Variants in PARD3 observed in about 807,000 individuals in gnomAD.
PARD3 encodes partitioning defective 3 homolog.
A neutral mutation model predicts 155.4 loss-of-function variants in PARD3; 75 were observed. The observed-to-expected ratio is 0.48, with a 90% CI of 0.40 to 0.58. PARD3 has a LOEUF of 0.58. PARD3 is among the 20% of genes least tolerant of loss of function. The probability of loss-of-function intolerance (pLI) is 0.00; values close to 1 mark genes in which losing one functional copy is unlikely to be tolerated. For synonymous variants in PARD3, 576 were observed against 610.5 expected (o/e 0.94, Z 0.83); for missense variants, 1,642 against 1,721.7 (o/e 0.95, Z 0.82).
chr10:34,620,200 C>T (rs988311227), intron 2 of PARD3, among the ~76,000 whole-genome samples: 1 of 152,130 alleles, frequency 6.6e-6, no homozygotes, highest in African/African-American at 2.4e-5. Flanking sequence ...CCAAATGCCA[C>T]CAATTTATTC....
At chr10:34,780,015 A>G (rs1165656218) in intron 1 of PARD3, among the ~76,000 whole-genome samples, 1 of 152,196 alleles carries the variant, frequency 6.6e-6, no homozygotes, top group African/African-American at 2.4e-5. Flanking sequence ...ACTCTCTACG[A>G]TTCCCCATCC....
At chr10:34,209,611 G>A (rs1951643251) in intron 22 of PARD3, among the ~76,000 whole-genome samples, 1 of 152,164 alleles carries the variant, frequency 6.6e-6, no homozygotes, top group African/African-American at 2.4e-5. Context: ...GGGTCAGAGA[G>A]ACATAGGTTC....
intron 22 of PARD3, among the ~76,000 whole-genome samples, chr10:34,191,150 C>G (rs1950690003): frequency 6.6e-6 from 1 of 151,818 alleles, no homozygotes; most frequent in Admixed American, 6.6e-5. Context: ...AGCTAGGAGG[C>G]TACTGCATAA....
At chr10:34,556,742 C>T (rs376126239) in intron 2 of PARD3, among the ~76,000 whole-genome samples, 82 of 152,224 alleles carry the variant, frequency 5.4e-4, no homozygotes, top group African/African-American at 2.0e-3. Context: ...CTGTCCATGT[C>T]TGTTCCAGTC....
chr10:34,166,798 G>C (rs1949549400), intron 22 of PARD3, among the ~76,000 whole-genome samples: 1 of 152,016 alleles, frequency 6.6e-6, no homozygotes. Context: ...TCTTTTTTAA[G>C]AACACCAACT....
intron 3 of PARD3, among the ~76,000 whole-genome samples, chr10:34,497,652 G>A (rs188195496): frequency 6.6e-6 from 1 of 152,262 alleles, no homozygotes; most frequent in East Asian, 1.9e-4. Context: ...CATTCATTGA[G>A]AAGAGGTATG....
chr10:34,528,449 A>G (rs1222670581), intron 2 of PARD3, among the ~76,000 whole-genome samples: 2 of 152,176 alleles, frequency 1.3e-5, no homozygotes, highest in Admixed American at 1.3e-4. Flanking sequence ...TGAGCTCTCA[A>G]GATGAGTCAG....
chr10:34,446,074 T>C (rs1357780146), intron 5 of PARD3, among the ~76,000 whole-genome samples: 1 of 152,144 alleles, frequency 6.6e-6, no homozygotes, highest in African/African-American at 2.4e-5. Context: ...AGGAGGTTAT[T>C]AGGAAAAATG....
chr10:34,220,965 G>A (rs1952249605), intron 22 of PARD3, among the ~76,000 whole-genome samples: 2 of 152,088 alleles, frequency 1.3e-5, no homozygotes, highest in African/African-American at 4.8e-5. Context: ...TTTGGGAGAC[G>A]GACTGGCCAC....
Position 34,637,070 on chromosome 10 carries a change from T to C in PARD3, c.222+59248A>G, listed in dbSNP as rs537291965. ...TATAAAAACAAATCTGAAAGTACAA[T>C]TATACCCTATTGCAAGGATTTAAAT... On this transcript the variant is annotated intron_variant, in intron 2 of 24. Coordinates refer to ENST00000374788, the MANE Select transcript of PARD3 (RefSeq NM_001184785.2). Among the ~76,000 whole-genome samples the C allele has an allele frequency of 2.0e-5, 3 of 152,310 alleles. No homozygotes were observed. The East Asian group carries it at 5.8e-4, about 29-fold the overall frequency.
intron 2 of PARD3, among the ~76,000 whole-genome samples, chr10:34,650,005 T>A (rs943137545): frequency 1.3e-5 from 2 of 152,216 alleles, no homozygotes; most frequent in African/African-American, 4.8e-5. Flanking sequence ...CCAGCACCTC[T>A]GTCCCACTGG....
At chr10:34,250,162 C>T (rs1449380745) in intron 22 of PARD3, among the ~76,000 whole-genome samples, 2 of 150,316 alleles carry the variant, frequency 1.3e-5, no homozygotes, top group African/African-American at 5.0e-5. Flanking sequence ...CCTCCACACA[C>T]ACACAGCTTT....
At chr10:34,580,685 T>C (rs548704419) in intron 2 of PARD3, among the ~76,000 whole-genome samples, 1 of 152,342 alleles carries the variant, frequency 6.6e-6, no homozygotes, top group Non-Finnish European at 1.5e-5. Context: ...TGGTATCATC[T>C]CCCACATTTA....
intron 1 of PARD3, among the ~76,000 whole-genome samples, chr10:34,785,765 C>T (rs1207455471): frequency 6.6e-6 from 1 of 152,026 alleles, no homozygotes; most frequent in Non-Finnish European, 1.5e-5. Flanking sequence ...ATGGGCGGAC[C>T]GTGTGGACAG....
At chr10:34,162,521 C>T (rs773882019) in intron 22 of PARD3, among the ~76,000 whole-genome samples, 1 of 152,090 alleles carries the variant, frequency 6.6e-6, no homozygotes, top group Non-Finnish European at 1.5e-5. Flanking sequence ...TACACATATT[C>T]GTGTTATTAT....
At chr10:34,660,413 A>G (rs2093292063) in intron 2 of PARD3, among the ~76,000 whole-genome samples, 1 of 152,198 alleles carries the variant, frequency 6.6e-6, no homozygotes, top group Non-Finnish European at 1.5e-5. Flanking sequence ...AAGTTAGAAT[A>G]AAATTTTAGT....
intron 22 of PARD3, among the ~76,000 whole-genome samples, chr10:34,161,845 A>G (rs2133052483): frequency 6.6e-6 from 1 of 152,180 alleles, no homozygotes; most frequent in East Asian, 1.9e-4. Flanking sequence ...TGCCCACTCA[A>G]TTCCATGGCC....
At chr10:34,787,794 T>G (rs1841161823) in intron 1 of PARD3, among the ~76,000 whole-genome samples, 1 of 151,606 alleles carries the variant, frequency 6.6e-6, no homozygotes, top group Non-Finnish European at 1.5e-5. Flanking sequence ...TTTTTTTACT[T>G]TTGAGACAGG....
intron 5 of PARD3, chr10:34,426,573 A>C (rs911748907): frequency 6.6e-6 from 1 of 152,220 alleles, no homozygotes; most frequent in Non-Finnish European, 1.5e-5. Context: ...TATTTCAAAA[A>C]ATTTACTTGT....
Sources: gnomAD v4.1 joint callset for allele counts (sites outside exome capture counted in the v4.1 genomes callset) on GRCh38, gnomAD v4.1.1 for gene constraint, MANE v1.5 for transcripts, NCBI Gene and HGNC (gene_info 2026-07-23, HGNC 2026-07-21) for gene names.